ROBO2: variants seen among roughly 807,000 people sequenced by gnomAD.
The protein encoded by ROBO2 is roundabout homolog 2.
In ROBO2, 53 loss-of-function variants were observed where a neutral mutation model predicts 160.8. That is an observed-to-expected ratio of 0.33 (90% CI 0.26 to 0.41). ROBO2 has a LOEUF of 0.41. ROBO2 is among the 10% of genes least tolerant of loss of function. The pLI is 1.00. For missense variants in ROBO2, 1,577 were observed against 1,722.4 expected, an observed-to-expected ratio of 0.92 and a Z score of 1.49; for synonymous variants, 664 against 611.7, an observed-to-expected ratio of 1.09 and a Z score of -1.26.
chr3:76,812,755 A>G (rs2065303006), intron 2 of ROBO2, among the ~76,000 whole-genome samples: 1 of 152,060 alleles, frequency 6.6e-6, no homozygotes, highest in Non-Finnish European at 1.5e-5. Context: ...TCCTGCCAAC[A>G]CTTTTTAAAC....
At chr3:77,276,410 T>C (rs2059830729) in intron 2 of ROBO2, among the ~76,000 whole-genome samples, 1 of 152,182 alleles carries the variant, frequency 6.6e-6, no homozygotes. Context: ...ATAAAATACT[T>C]GATTTTTGGC....
intron 11 of ROBO2, among the ~76,000 whole-genome samples, chr3:77,563,688 A>G (rs752972072): frequency 2.0e-4 from 31 of 152,114 alleles, no homozygotes; most frequent in Non-Finnish European, 4.0e-4. Flanking sequence ...TTTTAAAGTT[A>G]TGTGACATTT....
chr3:76,351,192 C>T (rs1486490171), intron 2 of ROBO2, among the ~76,000 whole-genome samples: 1 of 151,884 alleles, frequency 6.6e-6, no homozygotes, highest in Non-Finnish European at 1.5e-5. Flanking sequence ...ATTATGCCAA[C>T]ATCACATGTG....
intron 2 of ROBO2, among the ~76,000 whole-genome samples, chr3:76,688,607 G>GTA (rs1010748193): frequency 6.6e-6 from 1 of 150,816 alleles, no homozygotes; most frequent in Non-Finnish European, 1.5e-5. Context: ...TTAGTGGTGT[G>GTA]TGTGTGTGTG....
At chr3:76,674,989 G>A (rs1472560500) in intron 2 of ROBO2, among the ~76,000 whole-genome samples, 2 of 152,156 alleles carry the variant, frequency 1.3e-5, no homozygotes, top group African/African-American at 4.8e-5. Flanking sequence ...GCAAAGCATA[G>A]TAGCTCCTTT....
chr3:76,705,483 C>T (rs197098), intron 2 of ROBO2, among the ~76,000 whole-genome samples: 65,553 of 151,764 alleles, frequency 0.43, 14,406 homozygotes, highest in Non-Finnish European at 0.47. Context: ...GCATGAGCAG[C>T]ATCCAATGAT....
chr3:77,394,651 T>G (rs1204962514), intron 2 of ROBO2, among the ~76,000 whole-genome samples: 1 of 152,190 alleles, frequency 6.6e-6, no homozygotes, highest in African/African-American at 2.4e-5. Context: ...TTCTTTTACC[T>G]GAATCATCAT....
chr3:76,348,382 G>C (rs1384632243), intron 2 of ROBO2, among the ~76,000 whole-genome samples: 3 of 152,112 alleles, frequency 2.0e-5, no homozygotes, highest in African/African-American at 7.2e-5. Flanking sequence ...GCCTTAAATA[G>C]GGAAACACTG....
intron 2 of ROBO2, among the ~76,000 whole-genome samples, chr3:77,102,298 T>G (rs1388287245): frequency 6.6e-6 from 1 of 151,888 alleles, no homozygotes; most frequent in Non-Finnish European, 1.5e-5. Context: ...TGTGTGTGTG[T>G]GTTGCGTGGG....
intron 2 of ROBO2, among the ~76,000 whole-genome samples, chr3:75,972,160 C>T (rs1339711930): frequency 4.0e-5 from 6 of 151,532 alleles, no homozygotes; most frequent in Admixed American, 1.3e-4. Context: ...TATCAAAAAA[C>T]TATTTTGAGC....
intron 2 of ROBO2, among the ~76,000 whole-genome samples, chr3:76,209,143 G>A (rs968139715): frequency 1.3e-5 from 2 of 152,162 alleles, no homozygotes; most frequent in Admixed American, 6.6e-5. Context: ...GGCAAGGCAT[G>A]TGATCTTGTC....
At chr3:76,337,747 A>G (rs137886161) in intron 2 of ROBO2, among the ~76,000 whole-genome samples, 16 of 152,308 alleles carry the variant, frequency 1.1e-4, no homozygotes, top group African/African-American at 3.8e-4. Context: ...TTTCAATTCA[A>G]TTGTTTATTA....
At chr3:77,563,031 C>G in intron 10 of ROBO2, 136 bp from the exon 12 acceptor site, 1 of 788,926 alleles carries the variant, frequency 1.3e-6, no homozygotes, top group South Asian at 1.6e-5. Flanking sequence ...CAAACATTCA[C>G]TTACATACTT....
Position 76,696,729 on chromosome 3 carries a change from C to G in ROBO2, c.110-401285C>G, listed in dbSNP as rs553029554. On this transcript the variant is annotated intron_variant, in intron 2 of 26. Transcript: ENST00000487694. ...GTCTTCCAATTAAAGTCAACATTGC[C>G]TACTGCAATTTACACCTATTGATAT... Among the ~76,000 whole-genome samples, 16 of 152,288 alleles carry G rather than the reference C, an allele frequency of 1.1e-4. No individual in the cohort carries two copies. In the South Asian group the frequency reaches 3.3e-3, roughly 32 times the overall value.
intron 2 of ROBO2, among the ~76,000 whole-genome samples, chr3:77,357,969 A>G (rs1226621373): frequency 1.3e-5 from 2 of 152,306 alleles, no homozygotes; most frequent in Admixed American, 6.5e-5. Context: ...GTTCAAGCAT[A>G]AGAAAGAAAC....
chr3:76,666,018 ATATAT>A, intron 2 of ROBO2, among the ~76,000 whole-genome samples: 2 of 121,992 alleles, frequency 1.6e-5, no homozygotes, highest in African/African-American at 5.7e-5. Context: ...TATACATATT[ATATAT>A]TATATATATT....
At chr3:76,100,929 C>T (rs943690223) in intron 2 of ROBO2, among the ~76,000 whole-genome samples, 54 of 152,076 alleles carry the variant, frequency 3.6e-4, no homozygotes, top group Middle Eastern at 3.4e-3. Context: ...GTGAGCAAAG[C>T]GGGCATGGTC....
chr3:77,619,420 A>G (rs2094852874), intron 22 of ROBO2, among the ~76,000 whole-genome samples: 1 of 152,232 alleles, frequency 6.6e-6, no homozygotes, highest in African/African-American at 2.4e-5. Context: ...GTGAAAAGAT[A>G]CGCATTAAAA....
At chr3:76,146,697 G>GGGGTGTGTGT (rs1553657636) in intron 2 of ROBO2, among the ~76,000 whole-genome samples, 2 of 136,440 alleles carry the variant, frequency 1.5e-5, no homozygotes, top group African/African-American at 5.4e-5. Flanking sequence ...GATTACATAG[G>GGGGTGTGTGT]GTGTGTGTGT....
Sources: gnomAD v4.1 joint callset for allele counts (sites outside exome capture counted in the v4.1 genomes callset) on GRCh38, gnomAD v4.1.1 for gene constraint, MANE v1.5 for transcripts, NCBI Gene and HGNC (gene_info 2026-07-23, HGNC 2026-07-21) for gene names.